ATG16L1: variants seen among roughly 807,000 people sequenced by gnomAD.
ATG16L1 encodes autophagy related 16 like 1.
Under a neutral mutation model 88.5 loss-of-function variants are expected in ATG16L1, and 37 were observed. The observed-to-expected ratio is 0.42, with a 90% confidence interval of 0.32 to 0.55. The LOEUF is 0.55. Among genes scored for constraint, ATG16L1 ranks in the 20% least tolerant of loss-of-function variants. The probability of loss-of-function intolerance (pLI) is 0.13; values close to 1 mark genes in which losing one functional copy is unlikely to be tolerated. For missense variants in ATG16L1, 554 were observed against 752.8 expected, an observed-to-expected ratio of 0.74 and a Z score of 3.09; for synonymous variants, 301 against 281.0, an observed-to-expected ratio of 1.07 and a Z score of -0.71.
chr2:233,253,185 T>C (rs2125188403), intron 1 of ATG16L1, among the ~76,000 whole-genome samples: 1 of 152,286 alleles, frequency 6.6e-6, no homozygotes, highest in South Asian at 2.1e-4. Context: ...TTTAGTACTG[T>C]GGTAAGTATT....
intron 10 of ATG16L1, 136 bp downstream of exon 10, chr2:233,277,809 C>A: frequency 1.4e-6 from 1 of 713,388 alleles, no homozygotes; most frequent in Non-Finnish European, 2.4e-6. Flanking sequence ...TCAAAACATA[C>A]ATTTTATGTA....
chr2:233,272,803 C>T (rs1443233833), intron 6 of ATG16L1, among the ~76,000 whole-genome samples, 163 bp from the exon 7 acceptor site: 1 of 152,196 alleles, frequency 6.6e-6, no homozygotes, highest in Non-Finnish European at 1.5e-5. Context: ...TAGTGTTGTT[C>T]AGAACATGGC....
At chr2:233,276,660 A>G (rs1698393985) in intron 9 of ATG16L1, among the ~76,000 whole-genome samples, 1 of 152,138 alleles carries the variant, frequency 6.6e-6, no homozygotes, top group Non-Finnish European at 1.5e-5. Flanking sequence ...TTAGTTTTTA[A>G]GAGACGAGGT....
intron 12 of ATG16L1, among the ~76,000 whole-genome samples, chr2:233,285,195 C>G (rs1698996444): frequency 6.6e-6 from 1 of 152,252 alleles, no homozygotes; most frequent in South Asian, 2.1e-4. Context: ...ATTTATCTAT[C>G]CATTGATCTT....
rs750364539 is a variant in ATG16L1 at position 233,277,681 on chromosome 2, C to T, written c.1060+8C>T. On this transcript the variant is annotated splice_region_variant and intron_variant, in intron 10 of 17. Coordinates refer to ENST00000392017, the MANE Select transcript of ATG16L1 (RefSeq NM_030803.7). ...TTTGGGAAGTATTTGGAGGTGAGAG[C>T]CTGCTGCATGTTCTCAGACTGAAAA... 1.9e-6 allele frequency: 3 copies of T among 1,610,532 alleles called. No homozygotes were observed. The South Asian group carries it at 3.3e-5, about 18-fold the overall frequency.
At chr2:233,294,040 A>G (rs189823845) in intron 17 of ATG16L1, among the ~76,000 whole-genome samples, 131 of 152,190 alleles carry the variant, frequency 8.6e-4, no homozygotes, top group Middle Eastern at 3.4e-3. Flanking sequence ...AACTCCCTTC[A>G]TCCCAGCATG....
intron 1 of ATG16L1, among the ~76,000 whole-genome samples, chr2:233,252,495 A>G (rs1234055186): frequency 6.6e-6 from 1 of 151,698 alleles, no homozygotes; most frequent in Non-Finnish European, 1.5e-5. Flanking sequence ...TGATCCTCCC[A>G]CCTAAGCCTC....
Position 233,251,692 on chromosome 2 carries a change from C to A in ATG16L1, c.-136C>A, listed in dbSNP as rs1167951015. 10 of 749,802 alleles carry A rather than the reference C, an allele frequency of 1.3e-5. No individual in the cohort carries two copies. The highest frequency in any genetic ancestry group is 2.2e-5 in the Non-Finnish European group (10 of 449,826). The allele number at this position is 749,802 out of a possible 1,614,324, so 46.4% of individuals were successfully genotyped here. A position where few individuals can be genotyped will look rare whatever the true frequency, so the allele number is the denominator to read the frequency against. ...GCCGGAAGACCGTCCCGGATGGCCT[C>A]GGGGACTGCCAGTGTGTGGAGGTGA... On this transcript the variant is annotated 5_prime_UTR_variant, in exon 1 of 18. An upstream open reading frame in the 5' UTR gains an earlier in-frame stop. Coordinates refer to ENST00000392017, the MANE Select transcript of ATG16L1 (RefSeq NM_030803.7).
At chr2:233,282,578 G>A (rs149196015) in intron 11 of ATG16L1, 104 bp from the exon 12 acceptor site, 216 of 987,492 alleles carry the variant, frequency 2.2e-4, no homozygotes, top group Non-Finnish European at 2.9e-4. Context: ...ATAGGGTGAA[G>A]CATCTAAACC....
At chr2:233,293,494 G>A in intron 17 of ATG16L1, 137 bp downstream of exon 17, 1 of 763,998 alleles carries the variant, frequency 1.3e-6, no homozygotes, top group Non-Finnish European at 2.2e-6. Flanking sequence ...GCTGAGCTAG[G>A]TCAGTGGAGA....
chr2:233,285,678 C>T (rs951528399), intron 12 of ATG16L1, among the ~76,000 whole-genome samples: 3 of 152,202 alleles, frequency 2.0e-5, no homozygotes, highest in Admixed American at 6.5e-5. Flanking sequence ...CTCCCGAAAA[C>T]CTTACCAGGT....
At position 233,282,630 on chromosome 2, in the gene ATG16L1, G is replaced by T. The variant is rs1698794103; in HGVS notation, c.1132-52G>T. 3 of 1,479,308 alleles carry T rather than the reference G, an allele frequency of 2.0e-6. No homozygotes were observed. In the South Asian group the frequency reaches 3.4e-5, roughly 17 times the overall value. The allele number at this position is 1,479,308 out of a possible 1,614,324, so 91.6% of individuals were successfully genotyped here. ...TTGGGGAATTTATATCGTGTGAACT[G>T]AATTCCTCTGATTTGGCTAAAAATT... On this transcript the variant is annotated intron_variant, in intron 11 of 17. Transcript: ENST00000392017.
At chr2:233,269,966 A>G (rs1697873759) in intron 5 of ATG16L1, 36 bp from the exon 6 acceptor site, 2 of 1,564,576 alleles carry the variant, frequency 1.3e-6, no homozygotes, top group East Asian at 2.3e-5. Context: ...TTAAGCAGAC[A>G]TAAATGGTGG....
intron 10 of ATG16L1, among the ~76,000 whole-genome samples, chr2:233,279,499 G>T (rs1026539747): frequency 9.0e-4 from 137 of 152,312 alleles, no homozygotes; most frequent in African/African-American, 3.2e-3. Flanking sequence ...ACAGTTTTGT[G>T]TAGGGCCTTT....
chr2:233,286,621 C>CTTTTTTTTTTTTTTTTTT (rs10676895), intron 12 of ATG16L1, among the ~76,000 whole-genome samples: 4 of 93,296 alleles, frequency 4.3e-5, no homozygotes, highest in African/African-American at 1.9e-4. Flanking sequence ...GAAGCCCAAA[C>CTTTTTTTTTTTTTTTTTT]TTTTTTTTTT....
chr2:233,255,410 A>G (rs1696708375), intron 1 of ATG16L1, among the ~76,000 whole-genome samples: 1 of 152,232 alleles, frequency 6.6e-6, no homozygotes, highest in South Asian at 2.1e-4. Context: ...CTCACACGTT[A>G]GCATCCTCCG....
intron 1 of ATG16L1, 140 bp downstream of exon 1, chr2:233,252,082 G>T (rs1259283851): frequency 1.7e-6 from 1 of 597,632 alleles, no homozygotes; most frequent in East Asian, 3.4e-5. Flanking sequence ...CGCTTGGGAC[G>T]CCGCACGCCT....
chr2:233,277,812 T>C lies in ATG16L1; in HGVS notation c.1060+139T>C, dbSNP rs1698475621. ...TTGTTCATTTTCTCAAAACATACAT[T>C]TTATGTAAGGGATCGTTTGACCAAA... is the stretch of plus-strand genomic sequence containing the variant. On this transcript the variant is annotated intron_variant, in intron 10 of 17. Transcript: ENST00000392017. The C allele has an allele frequency of 4.3e-6, 3 of 700,156 alleles. No homozygotes were observed. In the African/African-American group the frequency reaches 5.3e-5, roughly 12 times the overall value. The allele number at this position is 700,156 out of a possible 1,614,324, so 43.4% of individuals were successfully genotyped here.
At chr2:233,252,781 C>T (rs1696471159) in intron 1 of ATG16L1, among the ~76,000 whole-genome samples, 1 of 152,078 alleles carries the variant, frequency 6.6e-6, no homozygotes, top group Admixed American at 6.5e-5. Context: ...TTTTCTTTCC[C>T]CTTACTGCTT....
Sources: allele counts gnomAD v4.1 joint callset (sites outside exome capture counted in the v4.1 genomes callset), GRCh38; gene constraint gnomAD v4.1.1; transcripts MANE v1.5; gene names NCBI Gene and HGNC (gene_info 2026-07-23, HGNC 2026-07-21).